Variants in RALYL observed in about 807,000 individuals in gnomAD.
RALYL encodes the protein RNA-binding Raly-like protein.
Under a neutral mutation model 35.1 loss-of-function variants are expected in RALYL, and 29 were observed. The ratio of observed to expected loss-of-function variants is 0.83; its 90% CI spans 0.61 to 1.13. The LOEUF (loss-of-function observed/expected upper bound fraction) is 1.13, where lower values mean the gene tolerates loss of function less well. Among genes scored for constraint, RALYL ranks in the 50% most tolerant of loss-of-function variants. RALYL has a pLI of 0.00. For synonymous variants in RALYL, 120 were observed against 127.6 expected (o/e 0.94, Z 0.40); for missense variants, 359 against 360.4 (o/e 1.00, Z 0.03).
At chr8:84,580,366 G>T (rs1467017832) in intron 2 of RALYL, among the ~76,000 whole-genome samples, 1 of 152,182 alleles carries the variant, frequency 6.6e-6, no homozygotes, top group Admixed American at 6.5e-5. Context: ...ATAAGAAGGA[G>T]GGTGCTGACA....
chr8:84,808,054 T>C (rs527510921), intron 4 of RALYL, among the ~76,000 whole-genome samples: 33 of 152,342 alleles, frequency 2.2e-4, no homozygotes, highest in Middle Eastern at 3.4e-3. Flanking sequence ...TGAATTTGCT[T>C]GCGGGTTCTT....
chr8:84,792,594 G>A (rs1821053169), intron 3 of RALYL, among the ~76,000 whole-genome samples: 1 of 152,168 alleles, frequency 6.6e-6, no homozygotes, highest in African/African-American at 2.4e-5. Flanking sequence ...TTAAGGGTGG[G>A]CCCTTCGCTG....
At chr8:84,867,382 CA>C (rs145743667) in intron 6 of RALYL, among the ~76,000 whole-genome samples, 15,544 of 152,214 alleles carry the variant, frequency 0.1, 942 homozygotes, top group Non-Finnish European at 0.13. Context: ...TTATGCTTTG[CA>C]CAGATTATAC....
intron 8 of RALYL, among the ~76,000 whole-genome samples, chr8:84,894,762 C>T (rs1844449639): frequency 6.6e-6 from 1 of 152,216 alleles, no homozygotes. Context: ...AGTGTCCCCT[C>T]TTATTTCAGA....
chr8:84,789,540 GA>G (rs773828302), intron 3 of RALYL, among the ~76,000 whole-genome samples: 34 of 149,112 alleles, frequency 2.3e-4, no homozygotes, highest in Admixed American at 2.7e-4. Context: ...TTAGAGGATC[GA>G]AAAAAAAACA....
At chr8:84,630,519 A>T (rs1217077164) in intron 2 of RALYL, among the ~76,000 whole-genome samples, 1 of 152,068 alleles carries the variant, frequency 6.6e-6, no homozygotes. Context: ...GGGAAGGATG[A>T]TGCAGTTTCT....
chr8:84,427,132 G>A lies in RALYL; in HGVS notation c.-23-102167G>A, dbSNP rs187795269. On this transcript the variant is annotated intron_variant, in intron 1 of 8. Coordinates refer to ENST00000521268, the MANE Select transcript of RALYL (RefSeq NM_173848.7). ...TATTTTCTAAGACAAAATTTAAAGG[G>A]GCAGTTTCACCCCAGATATGCCCAA... Among the ~76,000 whole-genome samples, 531 of 152,110 alleles carry A rather than the reference G, an allele frequency of 3.5e-3. 9 individuals are homozygous for A. Among genetic ancestry groups the A allele is most frequent in the Middle Eastern group, 0.014 (4 of 294 alleles).
At chr8:84,342,296 A>ATATATAT (rs1554626164) in intron 1 of RALYL, among the ~76,000 whole-genome samples, 22 of 119,084 alleles carry the variant, frequency 1.8e-4, no homozygotes, top group South Asian at 9.7e-4. Flanking sequence ...ATATATATAT[A>ATATATAT]AAACTCAAAA....
At chr8:84,591,774 G>A (rs1231531468) in intron 2 of RALYL, among the ~76,000 whole-genome samples, 1 of 152,106 alleles carries the variant, frequency 6.6e-6, no homozygotes, top group Admixed American at 6.6e-5. Flanking sequence ...GATGATGATG[G>A]GGAAAAAGAA....
chr8:84,229,719 G>A (rs936024150), intron 1 of RALYL, among the ~76,000 whole-genome samples: 20 of 152,286 alleles, frequency 1.3e-4, no homozygotes, highest in African/African-American at 4.6e-4. Flanking sequence ...ACAGAGGAAA[G>A]ATAAATTATA....
intron 1 of RALYL, among the ~76,000 whole-genome samples, chr8:84,427,415 A>C (rs1367487527): frequency 6.6e-6 from 1 of 152,166 alleles, no homozygotes; most frequent in Non-Finnish European, 1.5e-5. Context: ...ACGGAGTTAG[A>C]TTGTAAGCTT....
intron 1 of RALYL, chr8:84,185,009 G>C (rs763146328): frequency 1.2e-6 from 2 of 1,613,996 alleles, no homozygotes; most frequent in Admixed American, 1.7e-5. Flanking sequence ...ATGAGTAAAC[G>C]ACGCAGTAGG....
chr8:84,217,623 T>G (rs1821143740), intron 1 of RALYL, among the ~76,000 whole-genome samples: 1 of 152,076 alleles, frequency 6.6e-6, no homozygotes, highest in South Asian at 2.1e-4. Flanking sequence ...ATATATACGA[T>G]TTTTTAAAGG....
intron 1 of RALYL, among the ~76,000 whole-genome samples, chr8:84,348,622 G>A (rs944100812): frequency 2.6e-5 from 4 of 152,020 alleles, no homozygotes; most frequent in Admixed American, 6.6e-5. Context: ...TTTATCGACC[G>A]TAAACATTTT....
chr8:84,264,356 T>C (rs2131848777), intron 1 of RALYL, among the ~76,000 whole-genome samples: 1 of 152,286 alleles, frequency 6.6e-6, no homozygotes, highest in Middle Eastern at 3.4e-3. Context: ...TGTATTTCTC[T>C]AATGATCAGT....
At chr8:84,358,083 A>T (rs1273194812) in intron 1 of RALYL, among the ~76,000 whole-genome samples, 1 of 151,894 alleles carries the variant, frequency 6.6e-6, no homozygotes, top group Non-Finnish European at 1.5e-5. Context: ...ATTTAAGGTA[A>T]ATTAGAATTA....
intron 5 of RALYL, among the ~76,000 whole-genome samples, chr8:84,858,455 T>C (rs1283516062): frequency 6.6e-6 from 1 of 151,998 alleles, no homozygotes; most frequent in Non-Finnish European, 1.5e-5. Context: ...TTAAGGGCTA[T>C]TAAAGGAAAG....
At chr8:84,536,262 T>C (rs1041758590) in intron 2 of RALYL, among the ~76,000 whole-genome samples, 13 of 151,950 alleles carry the variant, frequency 8.6e-5, no homozygotes, top group African/African-American at 3.1e-4. Context: ...CATGGAAGAG[T>C]TAAGTGAAAA....
At position 84,247,563 on chromosome 8, in the gene RALYL, C is replaced by G. The variant is rs1465470896; in HGVS notation, c.-24+63139C>G. On this transcript the variant is annotated intron_variant, in intron 1 of 8. Transcript: ENST00000521268. ...AAAAAAAAGAAAAAAAAACTTGGTG[C>G]AAACCTGGAAATTTGTAAATATAGA... Among the ~76,000 whole-genome samples, 17 of 151,204 alleles carry G rather than the reference C, an allele frequency of 1.1e-4. No individual in the cohort carries two copies. In the East Asian group the frequency reaches 3.3e-3, roughly 29 times the overall value.
Sources: gnomAD v4.1 joint callset for allele counts (sites outside exome capture counted in the v4.1 genomes callset) on GRCh38, gnomAD v4.1.1 for gene constraint, MANE v1.5 for transcripts, NCBI Gene and HGNC (gene_info 2026-07-23, HGNC 2026-07-21) for gene names.